The following GRID1 variants were observed in gnomAD, a reference collection of about 807,000 sequenced individuals.
The protein encoded by GRID1 is glutamate ionotropic receptor delta type subunit 1, also known as glutamate receptor ionotropic, delta-1.
In GRID1, 28 loss-of-function variants were observed where a neutral mutation model predicts 98.0. The observed-to-expected ratio is 0.29, with a 90% CI of 0.21 to 0.39. The LOEUF is 0.39. GRID1 is among the 10% of genes least tolerant of loss of function. The pLI, the probability that GRID1 is intolerant of heterozygous loss-of-function variation, is 1.00. For synonymous variants in GRID1, 553 were observed against 538.5 expected, an observed-to-expected ratio of 1.03 and a Z score of -0.37; for missense variants, 1,111 against 1,340.5, an observed-to-expected ratio of 0.83 and a Z score of 2.67.
intron 8 of GRID1, among the ~76,000 whole-genome samples, chr10:85,824,071 A>G (rs904105415): frequency 1.1e-4 from 16 of 152,240 alleles, no homozygotes; most frequent in African/African-American, 2.2e-4. Context: ...TAGTGATTAA[A>G]TGATCATTAT....
intron 3 of GRID1, among the ~76,000 whole-genome samples, chr10:86,186,036 A>T (rs951840252): frequency 6.6e-6 from 1 of 152,246 alleles, no homozygotes; most frequent in Non-Finnish European, 1.5e-5. Context: ...CAGTGAAGCT[A>T]TCTGCGTCTG....
intron 5 of GRID1, among the ~76,000 whole-genome samples, chr10:85,881,574 T>G (rs1197736583): frequency 1.3e-5 from 2 of 152,198 alleles, no homozygotes; most frequent in Non-Finnish European, 1.5e-5. Context: ...TAGCCATATG[T>G]AGAAAGCTGA....
chr10:85,620,240 T>C (rs1159092214), intron 13 of GRID1, among the ~76,000 whole-genome samples: 1 of 152,112 alleles, frequency 6.6e-6, no homozygotes, highest in East Asian at 1.9e-4. Context: ...ACATAAAAGG[T>C]GCGCAGGCCA....
At chr10:85,934,463 A>C (rs1055292531) in intron 4 of GRID1, among the ~76,000 whole-genome samples, 3 of 150,534 alleles carry the variant, frequency 2.0e-5, no homozygotes, top group African/African-American at 7.4e-5. Flanking sequence ...CACAGAGCAA[A>C]GATAAATAGC....
intron 4 of GRID1, among the ~76,000 whole-genome samples, chr10:85,985,932 T>A (rs570904454): frequency 6.6e-6 from 1 of 152,306 alleles, no homozygotes; most frequent in South Asian, 2.1e-4. Flanking sequence ...AATATGTGGT[T>A]TCATCTCTCA....
chr10:85,842,603 T>C (rs990076178), intron 8 of GRID1, among the ~76,000 whole-genome samples: 3 of 151,858 alleles, frequency 2.0e-5, no homozygotes, highest in Non-Finnish European at 4.4e-5. Context: ...ATTTGAACAA[T>C]AAAAGAAAAT....
intron 8 of GRID1, among the ~76,000 whole-genome samples, chr10:85,821,470 T>C (rs1328327244): frequency 7.6e-6 from 1 of 130,730 alleles, no homozygotes; most frequent in Admixed American, 8.5e-5. Flanking sequence ...TGAGCTGAGA[T>C]TGTGCCACTG....
At chr10:85,747,296 C>T (rs986960198) in intron 8 of GRID1, among the ~76,000 whole-genome samples, 1 of 151,950 alleles carries the variant, frequency 6.6e-6, no homozygotes, top group African/African-American at 2.4e-5. Flanking sequence ...AAAGGAAAGG[C>T]AAGCAGGAGA....
At chr10:86,122,077 A>G (rs1268582594) in intron 4 of GRID1, among the ~76,000 whole-genome samples, 1 of 152,214 alleles carries the variant, frequency 6.6e-6, no homozygotes, top group African/African-American at 2.4e-5. Context: ...ACCTAAGGGC[A>G]ACCTGTGCCA....
intron 4 of GRID1, among the ~76,000 whole-genome samples, chr10:85,944,337 C>T (rs749096503): frequency 2.9e-4 from 44 of 152,126 alleles, no homozygotes; most frequent in Non-Finnish European, 5.7e-4. Context: ...AGCTCACAAG[C>T]AGCAAATTTA....
intron 2 of GRID1, among the ~76,000 whole-genome samples, chr10:86,262,544 C>T (rs1172783675): frequency 6.6e-6 from 1 of 152,154 alleles, no homozygotes; most frequent in African/African-American, 2.4e-5. Context: ...GAGTGGAGGG[C>T]GCCTTCTGGA....
rs536380386 is a variant in GRID1, at chr10:85,699,828, C to T, written c.1997+23175G>A. 1.2e-4 allele frequency among the ~76,000 whole-genome samples: 18 copies of T among 152,220 alleles called. No homozygotes were observed. The East Asian group carries it at 1.5e-3, about 13-fold the overall frequency. On this transcript the variant is annotated intron_variant, in intron 12 of 15. Transcript: ENST00000327946. Reference sequence around the variant, plus strand: ...GATTGCCTATCTTTCCTTAGTTTAACGCAATAATTTATCTGTTCAAAGTAT... The same window carrying T: ...GATTGCCTATCTTTCCTTAGTTTAATGCAATAATTTATCTGTTCAAAGTAT...
intron 4 of GRID1, among the ~76,000 whole-genome samples, chr10:85,932,030 A>C (rs1464459468): frequency 6.6e-6 from 1 of 152,154 alleles, no homozygotes; most frequent in Non-Finnish European, 1.5e-5. Flanking sequence ...CGAACATGTC[A>C]ATCTCTGCTT....
At chr10:86,202,961 A>G (rs1318000517) in intron 3 of GRID1, among the ~76,000 whole-genome samples, 2 of 152,182 alleles carry the variant, frequency 1.3e-5, no homozygotes, top group Non-Finnish European at 2.9e-5. Context: ...AGGAAGCTAG[A>G]GCCTAGTAAG....
At chr10:85,617,813 C>T (rs1022995903) in intron 14 of GRID1, among the ~76,000 whole-genome samples, 1 of 152,194 alleles carries the variant, frequency 6.6e-6, no homozygotes, top group Admixed American at 6.5e-5. Flanking sequence ...CCCATGGGGT[C>T]TCTGTTGGGA....
intron 3 of GRID1, among the ~76,000 whole-genome samples, chr10:86,184,518 A>T (rs1845702226): frequency 7.1e-6 from 1 of 141,362 alleles, no homozygotes; most frequent in Non-Finnish European, 1.5e-5. Flanking sequence ...ATTTGTTTAA[A>T]AGACTATTTA....
At chr10:86,158,762 T>C (rs558062737) in intron 3 of GRID1, among the ~76,000 whole-genome samples, 1 of 152,270 alleles carries the variant, frequency 6.6e-6, no homozygotes, top group Non-Finnish European at 1.5e-5. Flanking sequence ...CACTATCCAA[T>C]GTGGCAGCCA....
chr10:85,974,003 A>T (rs1842440123), intron 4 of GRID1, among the ~76,000 whole-genome samples: 1 of 152,194 alleles, frequency 6.6e-6, no homozygotes. Context: ...AGTCACCTGG[A>T]TGGCCCAGCT....
intron 2 of GRID1, among the ~76,000 whole-genome samples, chr10:86,241,114 G>A (rs781704891): frequency 3.3e-5 from 5 of 152,206 alleles, no homozygotes; most frequent in African/African-American, 7.2e-5. Flanking sequence ...AGTGCTCTGT[G>A]AGGGGTCCAA....
Sources: allele counts gnomAD v4.1 joint callset (sites outside exome capture counted in the v4.1 genomes callset), GRCh38; gene constraint gnomAD v4.1.1; transcripts MANE v1.5; gene names NCBI Gene and HGNC (gene_info 2026-07-23, HGNC 2026-07-21).